The following SRRM4 variants were observed in gnomAD, a reference collection of about 807,000 sequenced individuals.
SRRM4 encodes serine/arginine repetitive matrix protein 4.
In SRRM4, 33 loss-of-function variants were observed where a neutral mutation model predicts 68.9. That is an observed-to-expected ratio of 0.48 (90% CI 0.36 to 0.64). The LOEUF is 0.64. Ranked by LOEUF, SRRM4 falls within the 30% of genes least tolerant of loss-of-function variation. The probability of loss-of-function intolerance (pLI) is 0.00; values close to 1 mark genes in which losing one functional copy is unlikely to be tolerated. For missense variants in SRRM4, 817 were observed against 827.1 expected, an observed-to-expected ratio of 0.99 and a Z score of 0.15; for synonymous variants, 318 against 318.8, an observed-to-expected ratio of 1.00 and a Z score of 0.03.
At chr12:119,125,521 G>A (rs780033574) in intron 7 of SRRM4, 42 bp downstream of exon 7, 104 of 1,558,976 alleles carry the variant, frequency 6.7e-5, no homozygotes, top group Non-Finnish European at 9.1e-5. Context: ...AGCCACAGCC[G>A]AGCCCAGGCT....
At chr12:119,054,376 G>A (rs1953764293) in intron 1 of SRRM4, among the ~76,000 whole-genome samples, 1 of 152,186 alleles carries the variant, frequency 6.6e-6, no homozygotes, top group Non-Finnish European at 1.5e-5. Context: ...CAGTGATTCA[G>A]TGAGGTGGGG....
In SRRM4 at chr12:119,006,091, G is replaced by A. The variant is rs115027926; in HGVS notation, c.131+24078G>A. 5.0e-3 allele frequency among the ~76,000 whole-genome samples: 760 copies of A among 152,222 alleles called. 15 individuals are homozygous for A. The highest frequency in any genetic ancestry group is 0.017 in the African/African-American group (718 of 41,536). ...GAATTTGAGATATTATGATTGTGAC[G>A]CCCATTGCATCCCCCTTGTGCCCTG... On this transcript the variant is annotated intron_variant, in intron 1 of 12. Coordinates refer to ENST00000267260, the MANE Select transcript of SRRM4 (RefSeq NM_194286.4).
At chr12:119,127,204 T>TAAA (rs1555220366) in intron 7 of SRRM4, among the ~76,000 whole-genome samples, 2 of 151,914 alleles carry the variant, frequency 1.3e-5, no homozygotes, top group Non-Finnish European at 2.9e-5. Context: ...AAACTTAAAG[T>TAAA]ATAATAATAA....
At chr12:118,982,160 A>T in intron 1 of SRRM4, 147 bp downstream of exon 1, 1 of 1,050,878 alleles carries the variant, frequency 9.5e-7, no homozygotes, top group Non-Finnish European at 1.4e-6. Flanking sequence ...GAAACATGGG[A>T]ACTCATTGCT....
chr12:119,075,494 GTGGTGATGGTGA>G (rs1953904054), intron 1 of SRRM4, among the ~76,000 whole-genome samples: 1 of 146,014 alleles, frequency 6.8e-6, no homozygotes, highest in Non-Finnish European at 1.5e-5. Flanking sequence ...GATGATGATG[GTGGTGATGGTGA>G]TGATGATGGT....
chr12:119,120,132 C>T (rs1300999326), intron 4 of SRRM4, 118 bp from the exon 5 acceptor site: 21 of 562,434 alleles, frequency 3.7e-5, no homozygotes, highest in South Asian at 1.1e-4. Flanking sequence ...CCCTCCCTTT[C>T]TTCCTTCCTC....
intron 4 of SRRM4, 94 bp downstream of exon 4, chr12:119,117,102 C>A: frequency 9.9e-7 from 1 of 1,008,476 alleles, no homozygotes; most frequent in South Asian, 1.4e-5. Flanking sequence ...CATATCATGT[C>A]ATTTATGTAA....
intron 1 of SRRM4, among the ~76,000 whole-genome samples, chr12:119,098,197 CAGCCATATGAGTG>C (rs1284907201): frequency 6.6e-6 from 1 of 152,198 alleles, no homozygotes; most frequent in Non-Finnish European, 1.5e-5. Context: ...ACCAGCTTGC[CAGCCATATGAGTG>C]AGCCACCTTG....
intron 2 of SRRM4, among the ~76,000 whole-genome samples, chr12:119,111,835 G>C (rs530908311): frequency 1.9e-4 from 29 of 152,292 alleles, no homozygotes; most frequent in Non-Finnish European, 2.8e-4. Context: ...CCTGGGGTCA[G>C]GAGTTCGAGA....
Position 119,025,587 on chromosome 12 carries a change from G to GCGT in SRRM4, c.131+43574_131+43575insCGT, listed in dbSNP as rs1565891951. Among the ~76,000 whole-genome samples the GCGT allele has an allele frequency of 2.2e-3, 338 of 151,244 alleles. 2 individuals carry two copies. The highest frequency in any genetic ancestry group is 7.3e-3 in the African/African-American group (297 of 40,680). ...AGCCTCCCGAGTAGCTGGGATTACA[G>GCGT]GCATGTGCCACCATGACCAGCTAAT... On this transcript the variant is annotated intron_variant, in intron 1 of 12. Transcript: ENST00000267260.
chr12:119,152,701 A>C (rs1344888337), intron 10 of SRRM4, among the ~76,000 whole-genome samples: 1 of 152,228 alleles, frequency 6.6e-6, no homozygotes, highest in Non-Finnish European at 1.5e-5. Context: ...CTCTCAATGC[A>C]TAGCCAAAGC....
At chr12:119,115,793 A>C (rs1841941811) in intron 3 of SRRM4, among the ~76,000 whole-genome samples, 1 of 152,184 alleles carries the variant, frequency 6.6e-6, no homozygotes, top group African/African-American at 2.4e-5. Context: ...CTGGGGACAA[A>C]TGTTATGATT....
In SRRM4 at chr12:118,998,268, C is replaced by CAAAAAAAAAAAAA. The variant is rs35250419; in HGVS notation, c.131+16274_131+16286dup. ...AACTGAGTGGATAAGAGCAATATGG[C>CAAAAAAAAAAAAA]AAAAAAAAAAAAAAAAAAAAAAAAA... is the stretch of plus-strand genomic sequence containing the variant. On this transcript the variant is annotated intron_variant, in intron 1 of 12. Coordinates refer to ENST00000267260, the MANE Select transcript of SRRM4 (RefSeq NM_194286.4). Among the ~76,000 whole-genome samples, 44 of 36,586 alleles carry CAAAAAAAAAAAAA rather than the reference C, an allele frequency of 1.2e-3. 8 individuals carry two copies. The highest frequency in any genetic ancestry group is 1.5e-3 in the Non-Finnish European group (32 of 22,044). 24.0% of individuals were successfully genotyped at this position (36,586 alleles called of 152,430 possible). A position where few individuals can be genotyped will look rare whatever the true frequency, so the allele number is the denominator to read the frequency against.
chr12:119,120,128 C>T (rs1411527124), intron 4 of SRRM4, 122 bp from the exon 5 acceptor site: 2 of 670,186 alleles, frequency 3.0e-6, no homozygotes, highest in Non-Finnish European at 5.1e-6. Context: ...CCATCCCTCC[C>T]TTTCTTCCTT....
intron 7 of SRRM4, among the ~76,000 whole-genome samples, chr12:119,127,307 G>A (rs1954268110): frequency 6.6e-6 from 1 of 152,096 alleles, no homozygotes; most frequent in African/African-American, 2.4e-5. Context: ...TTCCAGATGT[G>A]AGGAGCTGCT....
chr12:118,991,370 C>T (rs560363226), intron 1 of SRRM4, among the ~76,000 whole-genome samples: 1 of 152,246 alleles, frequency 6.6e-6, no homozygotes, highest in South Asian at 2.1e-4. Flanking sequence ...AGAGGAAATG[C>T]TGTTTCCTCG....
intron 1 of SRRM4, among the ~76,000 whole-genome samples, chr12:119,085,769 T>C (rs1004179410): frequency 5.3e-5 from 8 of 152,074 alleles, no homozygotes; most frequent in African/African-American, 1.7e-4. Flanking sequence ...GTTGTCTGGG[T>C]GAGAGACGGT....
intron 1 of SRRM4, among the ~76,000 whole-genome samples, chr12:119,095,480 C>T (rs1201944345): frequency 6.6e-6 from 1 of 152,174 alleles, no homozygotes; most frequent in Non-Finnish European, 1.5e-5. Flanking sequence ...GTGCCTTCAG[C>T]TATGCAAGGG....
chr12:119,042,361 G>C (rs1339368525), intron 1 of SRRM4, among the ~76,000 whole-genome samples: 1 of 152,080 alleles, frequency 6.6e-6, no homozygotes, highest in East Asian at 1.9e-4. Flanking sequence ...GGAAGGAACG[G>C]AGAGGCAGCG....
Sources: gnomAD v4.1 joint callset for allele counts (sites outside exome capture counted in the v4.1 genomes callset) on GRCh38, gnomAD v4.1.1 for gene constraint, MANE v1.5 for transcripts, NCBI Gene and HGNC (gene_info 2026-07-23, HGNC 2026-07-21) for gene names.